Variants in TUBGCP6 observed in about 807,000 individuals in gnomAD.
TUBGCP6 encodes gamma-tubulin complex component 6.
TUBGCP6 carries 161 observed loss-of-function variants against 175.8 expected under a neutral mutation model. That is an observed-to-expected ratio of 0.92 (90% CI 0.81 to 1.04). TUBGCP6 has a LOEUF of 1.04. Ranked by LOEUF, TUBGCP6 falls within the 50% of genes least tolerant of loss-of-function variation. The probability of loss-of-function intolerance (pLI) is 0.00; values close to 1 mark genes in which losing one functional copy is unlikely to be tolerated. For missense variants in TUBGCP6, 2,572 were observed against 2,433.0 expected (o/e 1.06, Z -1.20); for synonymous variants, 1,173 against 1,030.5 (o/e 1.14, Z -2.65).
chr22:50,236,630 C>A lies in TUBGCP6; in HGVS notation c.906-3104G>T, dbSNP rs115603705. 3.0e-3 allele frequency among the ~76,000 whole-genome samples: 454 copies of A among 152,310 alleles called. 4 individuals are homozygous for A. Among genetic ancestry groups the A allele is most frequent in the African/African-American group, 0.01 (433 of 41,560 alleles). On this transcript the variant is annotated intron_variant, in intron 2 of 24. Transcript: ENST00000248846. Reference sequence around the variant, plus strand: ...CCAAGAAACACACTTTTACTGGCCACCTCTGCTATGAAGAGGGTGGGCTGG... The same window carrying A: ...CCAAGAAACACACTTTTACTGGCCAACTCTGCTATGAAGAGGGTGGGCTGG...
chr22:50,220,930 C>T lies in TUBGCP6; in HGVS notation c.3429G>A (p.Arg1143=), dbSNP rs745714940. 6.2e-7 allele frequency: 1 copy of T among 1,604,522 alleles called. No homozygotes were observed. Among genetic ancestry groups the T allele is most frequent in the African/African-American group, 1.4e-5 (1 of 73,190 alleles). Residue 1143 remains arginine (R), a synonymous_variant, in exon 16 of 25, where the codon AGG becomes AGA. Coordinates refer to ENST00000248846, the MANE Select transcript of TUBGCP6 (RefSeq NM_020461.4). ...CCACGTCCGACACGTTCTCCCCAAC[C>T]CTGATGCTGGCGTTGGACACGTGCC... is the stretch of plus-strand genomic sequence containing the variant. ...THGHVSNASI[R]VGENVSDVAP...
At position 50,222,152 on chromosome 22, in the gene TUBGCP6, C is replaced by A. The variant is rs200617335; in HGVS notation, c.2410-50G>T. 18 of 1,576,346 alleles carry A rather than the reference C, an allele frequency of 1.1e-5. No individual in the cohort carries two copies. In the East Asian group the frequency reaches 3.4e-4, roughly 29 times the overall value. On this transcript the variant is annotated intron_variant, in intron 14 of 24. Coordinates refer to ENST00000248846, the MANE Select transcript of TUBGCP6 (RefSeq NM_020461.4). ...CTGGCCAAGCCGGAGTCAAGCACAG[C>A]CCTACCCCACACAAAGCCACAGCCC... is the stretch of plus-strand genomic sequence containing the variant.
intron 2 of TUBGCP6, 38 bp downstream of exon 2, chr22:50,240,166 T>C (rs1275584713): frequency 1.2e-6 from 2 of 1,611,402 alleles, no homozygotes; most frequent in Non-Finnish European, 1.7e-6. Context: ...CATGCAGGGG[T>C]AGGGGCACTG....
Position 50,226,151 on chromosome 22 carries a change from T to C in TUBGCP6, c.1732A>G (p.Lys578Glu), listed in dbSNP as rs2064604654. The C allele has an allele frequency of 6.2e-7, 1 of 1,614,120 alleles. No homozygotes were observed. The highest frequency in any genetic ancestry group is 8.5e-7 in the Non-Finnish European group (1 of 1,180,028). ...YWTHGYVLIS[K>E]EVEDCVPVFL... ...ACGGGAACACAGTCCTCCACCTCTTTGGAGATGAGCACGTAGCCATGTGTC... is the reference window on the plus strand; with the variant it reads ...ACGGGAACACAGTCCTCCACCTCTTCGGAGATGAGCACGTAGCCATGTGTC... The change falls in exon 9 of 25, where the codon AAA (lysine) becomes GAA (glutamate). Residue 578 changes from lysine (K) to glutamate (E), a missense_variant. By Grantham distance (56) the Lys-to-Glu change is moderately conservative. Coordinates refer to ENST00000248846, the MANE Select transcript of TUBGCP6 (RefSeq NM_020461.4).
At chr22:50,223,044 G>A (rs1246234731) in intron 13 of TUBGCP6, 5 of 159,060 alleles carry the variant, frequency 3.1e-5, no homozygotes, top group Admixed American at 6.0e-5. Flanking sequence ...TTCACCGATC[G>A]TGCCCCATGA....
chr22:50,234,396 A>AC, intron 2 of TUBGCP6, among the ~76,000 whole-genome samples: 1 of 137,364 alleles, frequency 7.3e-6, no homozygotes, highest in South Asian at 2.4e-4. Context: ...CATCATCCAC[A>AC]CCCCTGTCCA....
chr22:50,218,662 A>AGGCC (rs1280289001), intron 21 of TUBGCP6, 41 bp downstream of exon 21: 12 of 1,613,488 alleles, frequency 7.4e-6, no homozygotes, highest in Non-Finnish European at 1.0e-5. Flanking sequence ...ACAGGCAGGC[A>AGGCC]GGCCCCTGTC....
chr22:50,243,602 A>G (rs1482358164), intron 1 of TUBGCP6, 117 bp downstream of exon 1: 23 of 1,050,570 alleles, frequency 2.2e-5, no homozygotes, highest in Non-Finnish European at 3.0e-5. Context: ...TGGGTGACAG[A>G]GTGAGACACT....
intron 2 of TUBGCP6, among the ~76,000 whole-genome samples, chr22:50,236,026 A>G (rs1406928653): frequency 6.6e-6 from 1 of 152,198 alleles, no homozygotes; most frequent in Non-Finnish European, 1.5e-5. Context: ...AGCAGTGAAA[A>G]TACACACAGC....
At position 50,218,612 on chromosome 22, in the gene TUBGCP6, C is replaced by A; in HGVS notation, c.4830G>T (p.Trp1610Cys). 6.2e-7 allele frequency: 1 copy of A among 1,613,658 alleles called. No homozygotes were observed. The highest frequency in any genetic ancestry group is 8.5e-7 in the Non-Finnish European group (1 of 1,179,840). ...CCTCGGTGATGACAATGTTGAGAGGCCAGTCCACCTGCCAGGAGGCGTGGC... is the reference window on the plus strand; with the variant it reads ...CCTCGGTGATGACAATGTTGAGAGGACAGTCCACCTGCCAGGAGGCGTGGC... ...SCLELRYKVD[W>C]PLNIVITEGC... The change falls in exon 22 of 25, where the codon TGG becomes TGT. Residue 1610 changes from tryptophan to cysteine, a missense_variant. Coordinates refer to ENST00000248846, the MANE Select transcript of TUBGCP6 (RefSeq NM_020461.4).
rs1324094420 is a variant in TUBGCP6 at position 50,226,106 on chromosome 22, G to A, written c.1777C>T (p.His593Tyr). The change falls in exon 9 of 25, where the codon CAC (histidine) becomes TAC (tyrosine). Residue 593 changes from histidine (H) to tyrosine (Y), a missense_variant. Physicochemically the swap from His to Tyr is moderately conservative, Grantham distance 83 (BLOSUM62 2). Transcript: ENST00000248846. ...CVPVFLKHIA[H>Y]DIYVCGKTIN... The stretch of plus-strand genomic sequence containing the variant: ...GTCTTTCCGCAGACGTATATGTCGT[G>A]GGCAATGTGCTTCAGAAACACGGGA... 6.2e-7 allele frequency: 1 copy of A among 1,614,176 alleles called. No individual in the cohort carries two copies. The highest frequency in any genetic ancestry group is 1.7e-5 in the Admixed American group (1 of 60,026).
chr22:50,225,660 C>T, intron 10 of TUBGCP6, 134 bp downstream of exon 10: 1 of 1,192,166 alleles, frequency 8.4e-7, no homozygotes, highest in Non-Finnish European at 1.1e-6. Flanking sequence ...CCCACCCAGG[C>T]CACCGCCAGG....
chr22:50,232,222 C>T lies in TUBGCP6; in HGVS notation c.1116+1094G>A, dbSNP rs191708611. On this transcript the variant is annotated intron_variant, in intron 3 of 24. Coordinates refer to ENST00000248846, the MANE Select transcript of TUBGCP6 (RefSeq NM_020461.4). ...CTCTACTAAAAATACAAAAATTAGCCAGCCGTAGTGACATGCACCTGTAAT... is the reference window on the plus strand; with the variant it reads ...CTCTACTAAAAATACAAAAATTAGCTAGCCGTAGTGACATGCACCTGTAAT... 4.1e-3 allele frequency among the ~76,000 whole-genome samples: 617 copies of T among 151,760 alleles called. 6 individuals are homozygous for T. Among genetic ancestry groups the T allele is most frequent in the South Asian group, 0.026 (126 of 4,806 alleles).
At chr22:50,222,426 G>T in intron 14 of TUBGCP6, 28 bp downstream of exon 14, 1 of 1,612,166 alleles carries the variant, frequency 6.2e-7, no homozygotes, top group Non-Finnish European at 8.5e-7. Context: ...CCCAGGGGAA[G>T]AGCTGCCATC....
Position 50,219,276 on chromosome 22 carries a change from A to AGG in TUBGCP6, c.4484+10_4484+11dup. 6.2e-7 allele frequency: 1 copy of AGG among 1,607,256 alleles called. No homozygotes were observed. Among genetic ancestry groups the AGG allele is most frequent in the Non-Finnish European group, 8.5e-7 (1 of 1,177,842 alleles). On this transcript the variant is annotated intron_variant, in intron 19 of 24. Coordinates refer to ENST00000248846, the MANE Select transcript of TUBGCP6 (RefSeq NM_020461.4). Reference sequence around the variant, plus strand: ...TGGGTGGGCAGACTGGCGCAGGGGCAGGGGCACTCACTGGGCGGCCAGCGG... The same window carrying AGG: ...TGGGTGGGCAGACTGGCGCAGGGGCAGGGGGGCACTCACTGGGCGGCCAGCGG...
intron 3 of TUBGCP6, among the ~76,000 whole-genome samples, chr22:50,231,393 G>A (rs1216121295): frequency 1.3e-5 from 2 of 151,886 alleles, no homozygotes; most frequent in Admixed American, 6.6e-5. Flanking sequence ...GGCGGAGGCT[G>A]CAGTGAGCTG....
chr22:50,220,450 CTGGGACGTG>C lies in TUBGCP6; in HGVS notation c.3900_3908del (p.His1300_Ser1302del), dbSNP rs2064498511. Reference sequence around the variant, plus strand: ...TCTGTGCTCCCAGGCTGAGCGCTGACTGGGACGTGTGGCCAGGGGGGCTCTGTTGGGGCC... The same window carrying C: ...TCTGTGCTCCCAGGCTGAGCGCTGACTGGCCAGGGGGGCTCTGTTGGGGCC... On this transcript the variant is annotated inframe_deletion, in exon 16 of 25. Coordinates refer to ENST00000248846, the MANE Select transcript of TUBGCP6 (RefSeq NM_020461.4). 6.2e-7 allele frequency: 1 copy of C among 1,612,580 alleles called. No homozygotes were observed. Among genetic ancestry groups the C allele is most frequent in the Admixed American group, 1.7e-5 (1 of 59,956 alleles).
intron 3 of TUBGCP6, among the ~76,000 whole-genome samples, chr22:50,232,352 C>T (rs1404586030): frequency 1.4e-5 from 2 of 142,842 alleles, no homozygotes; most frequent in South Asian, 4.5e-4. Context: ...GGCAACAGAG[C>T]GAGACTCTGT....
chr22:50,219,305 C>T lies in TUBGCP6; in HGVS notation c.4467G>A (p.Thr1489=), dbSNP rs375336513. ...GCACTCACTGGGCGGCCAGCGGTGC[C>T]GTGATGGAGCGCTTCATGAGCACGG... The part of the protein sequence containing the change: ...TLPVLMKRSI[T]APLAAHISLV... Residue 1489 remains threonine (T), a synonymous_variant, in exon 19 of 25, where the codon ACG becomes ACA. Coordinates refer to ENST00000248846, the MANE Select transcript of TUBGCP6 (RefSeq NM_020461.4). The T allele has an allele frequency of 5.1e-5, 81 of 1,603,390 alleles. 1 individual carries two copies. Among genetic ancestry groups the T allele is most frequent in the South Asian group, 8.9e-5 (8 of 89,512 alleles).
Sources: allele counts gnomAD v4.1 joint callset (sites outside exome capture counted in the v4.1 genomes callset), GRCh38; gene constraint gnomAD v4.1.1; transcripts MANE v1.5; gene names NCBI Gene and HGNC (gene_info 2026-07-23, HGNC 2026-07-21).